Variants in USP42 observed in about 807,000 individuals in gnomAD.
USP42 encodes ubiquitin specific peptidase 42.
Under a neutral mutation model 113.0 loss-of-function variants are expected in USP42, and 23 were observed. The ratio of observed to expected loss-of-function variants is 0.20; its 90% CI spans 0.15 to 0.29. The LOEUF is 0.29. USP42 is among the 10% of genes least tolerant of loss of function. The pLI is 1.00. For synonymous variants in USP42, 933 were observed against 699.0 expected, an observed-to-expected ratio of 1.33 and a Z score of -5.28; for missense variants, 2,174 against 1,779.8, an observed-to-expected ratio of 1.22 and a Z score of -3.99.
chr7:6,157,899 C>T lies in USP42; in HGVS notation c.3943+844C>T, dbSNP rs940277712. Among the ~76,000 whole-genome samples the T allele has an allele frequency of 6.6e-6, 1 of 152,156 alleles. No individual in the cohort carries two copies. The highest frequency in any genetic ancestry group is 2.4e-5 in the African/African-American group (1 of 41,444). On this transcript the variant is annotated intron_variant, in intron 16 of 17. Coordinates refer to ENST00000306177, the MANE Select transcript of USP42 (RefSeq NM_032172.3). This position sits in a 1 kb window ranked among gnomAD's most constrained non-coding sequence, Gnocchi z 4.1. ...GTGGCCACACGCTGTGCTCTTACTG[C>T]ACTTGAGGCAGCCCCCCACTTCCTC...
In USP42 at chr7:6,108,890, G is replaced by A. The variant is rs148688173; in HGVS notation, c.-9-2235G>A. On this transcript the variant is annotated intron_variant, in intron 1 of 17. Transcript: ENST00000306177. ...GCACAAGCTGGTGCTAAAAGCAAAC[G>A]CTAGTTGTTTTCTGTTCCCAGACTT... Among the ~76,000 whole-genome samples the A allele has an allele frequency of 2.8e-4, 42 of 152,298 alleles. 1 individual carries two copies. The highest frequency in any genetic ancestry group is 9.4e-4 in the African/African-American group (39 of 41,572).
At chr7:6,093,159 CCCTTCCCTT>C in the USP42 span, 1 of 142,538 alleles carries the variant, frequency 7.0e-6, no homozygotes, top group African/African-American at 2.7e-5. Context: ...CTCCCTCCCT[CCCTTCCCTT>C]CCTTCCCTCC....
chr7:6,152,042 A>G (rs1289207636), intron 14 of USP42, among the ~76,000 whole-genome samples: 1 of 152,232 alleles, frequency 6.6e-6, no homozygotes, highest in African/African-American at 2.4e-5. Context: ...TAAAAAAAAA[A>G]TCATGTCATG....
the USP42 span, chr7:6,088,919 C>T: frequency 1.3e-5 from 2 of 150,920 alleles, no homozygotes; most frequent in Non-Finnish European, 2.9e-5. Flanking sequence ...ACTCACAGGT[C>T]CAGGGAGGGG....
At chr7:6,107,214 G>T (rs1779337468) in intron 1 of USP42, among the ~76,000 whole-genome samples, 1 of 151,976 alleles carries the variant, frequency 6.6e-6, no homozygotes, top group Admixed American at 6.6e-5. Context: ...CACTTAAGAG[G>T]CTTTTGTCCC....
intron 3 of USP42, among the ~76,000 whole-genome samples, chr7:6,119,569 C>G (rs759918912): frequency 2.0e-5 from 3 of 152,212 alleles, no homozygotes; most frequent in Non-Finnish European, 4.4e-5. Flanking sequence ...TACAAATAAT[C>G]TTCCTGGTAT....
At chr7:6,097,552 A>T in the USP42 span, among the ~76,000 whole-genome samples, 5 of 150,590 alleles carry the variant, frequency 3.3e-5, no homozygotes, top group Non-Finnish European at 7.4e-5. Context: ...GATTACAAGC[A>T]TAAGCCACTG....
intron 4 of USP42, among the ~76,000 whole-genome samples, chr7:6,138,024 C>T (rs1781240931): frequency 6.6e-6 from 1 of 152,186 alleles, no homozygotes; most frequent in African/African-American, 2.4e-5. Context: ...ACATGACTAA[C>T]ATTTTTAAAC....
the USP42 span, among the ~76,000 whole-genome samples, chr7:6,094,268 G>A: frequency 1.3e-5 from 2 of 150,852 alleles, no homozygotes; most frequent in South Asian, 4.1e-4. Flanking sequence ...TGACCTCCTG[G>A]GCTCAAGCGA....
At chr7:6,119,929 T>A (rs1036893161) in intron 3 of USP42, among the ~76,000 whole-genome samples, 8 of 152,186 alleles carry the variant, frequency 5.3e-5, no homozygotes, top group African/African-American at 1.9e-4. Flanking sequence ...CTTGAACTCC[T>A]ACGCTTAAGC....
intron 3 of USP42, among the ~76,000 whole-genome samples, chr7:6,118,541 A>G (rs1157400254): frequency 6.8e-6 from 1 of 146,158 alleles, no homozygotes; most frequent in South Asian, 2.1e-4. Flanking sequence ...AAAAGACAAG[A>G]AAAAAAAAAA....
At chr7:6,127,197 T>G (rs1780589125) in intron 3 of USP42, among the ~76,000 whole-genome samples, 1 of 152,208 alleles carries the variant, frequency 6.6e-6, no homozygotes, top group African/African-American at 2.4e-5. Flanking sequence ...TACTGTCAAG[T>G]TTTGAGGATA....
chr7:6,095,417 C>T, the USP42 span, among the ~76,000 whole-genome samples: 425 of 151,220 alleles, frequency 2.8e-3, 30 homozygotes, highest in Middle Eastern at 0.01. Context: ...CGCCTGTAAT[C>T]CCAGCACTTT....
intron 3 of USP42, among the ~76,000 whole-genome samples, 190 bp from the exon 4 acceptor site, chr7:6,135,651 C>CAAAAAAAAAA (rs1173165919): frequency 3.1e-4 from 5 of 16,146 alleles, no homozygotes; most frequent in Admixed American, 9.2e-4. Flanking sequence ...GACTCCATCT[C>CAAAAAAAAAA]AAAAAAAAAA....
intron 3 of USP42, among the ~76,000 whole-genome samples, chr7:6,133,430 A>G (rs1479062406): frequency 4.6e-5 from 7 of 152,242 alleles, no homozygotes; most frequent in Admixed American, 3.3e-4. Context: ...TTTTCTACCC[A>G]TAATGAATAT....
chr7:6,145,717 A>G (rs1210608651), intron 10 of USP42, 61 bp downstream of exon 10: 5 of 1,541,742 alleles, frequency 3.2e-6, no homozygotes, highest in African/African-American at 2.7e-5. Context: ...CAGCAGTAGC[A>G]TTCTTGGGGT....
At chr7:6,144,592 G>A (rs368151101) in intron 9 of USP42, among the ~76,000 whole-genome samples, 1 of 152,130 alleles carries the variant, frequency 6.6e-6, no homozygotes, top group Non-Finnish European at 1.5e-5. Context: ...ATAATCGGCC[G>A]AGTGTGGTGG....
upstream of USP42, among the ~76,000 whole-genome samples, chr7:6,104,517 C>A (rs1451681237): frequency 6.6e-6 from 1 of 152,272 alleles, no homozygotes; most frequent in East Asian, 1.9e-4. Flanking sequence ...GACGGGGATC[C>A]CAGACTCCTG....
chr7:6,117,208 CCCT>C (rs1369048468), intron 3 of USP42, among the ~76,000 whole-genome samples: 1 of 152,142 alleles, frequency 6.6e-6, no homozygotes, highest in Non-Finnish European at 1.5e-5. Context: ...CCTTTCCCCA[CCCT>C]CCTGCCCGGC....
Sources: gnomAD v4.1 joint callset for allele counts (sites outside exome capture counted in the v4.1 genomes callset) on GRCh38, gnomAD v4.1.1 for gene constraint, Gnocchi (gnomAD v3.1) non-coding constraint, MANE v1.5 for transcripts, NCBI Gene and HGNC (gene_info 2026-07-23, HGNC 2026-07-21) for gene names.